Variants in CNTNAP2 observed in about 807,000 individuals in gnomAD.
CNTNAP2 encodes the protein contactin associated protein 2, also known as contactin-associated protein-like 2.
CNTNAP2 carries 98 observed loss-of-function variants against 155.2 expected under a neutral mutation model. The observed-to-expected ratio is 0.63, with a 90% CI of 0.54 to 0.75. The LOEUF is 0.75. Among genes scored for constraint, CNTNAP2 ranks in the 30% least tolerant of loss-of-function variants. The probability of loss-of-function intolerance (pLI) is 0.00; values close to 1 mark genes in which losing one functional copy is unlikely to be tolerated. For synonymous variants in CNTNAP2, 651 were observed against 631.2 expected (o/e 1.03, Z -0.47); for missense variants, 1,727 against 1,688.1 (o/e 1.02, Z -0.40).
chr7:147,166,668 G>C (rs1217874489), intron 8 of CNTNAP2, among the ~76,000 whole-genome samples: 3 of 152,066 alleles, frequency 2.0e-5, no homozygotes, highest in African/African-American at 7.3e-5. Context: ...TTAGTGAAGG[G>C]AGATAGGGGT....
At chr7:147,588,913 A>G (rs1800686223) in intron 12 of CNTNAP2, among the ~76,000 whole-genome samples, 1 of 152,224 alleles carries the variant, frequency 6.6e-6, no homozygotes, top group African/African-American at 2.4e-5. Context: ...AAAAGAATGC[A>G]GCAACTAGCA....
intron 13 of CNTNAP2, among the ~76,000 whole-genome samples, chr7:147,687,629 T>C (rs1312021762): frequency 6.6e-6 from 1 of 152,092 alleles, no homozygotes; most frequent in African/African-American, 2.4e-5. Flanking sequence ...TATTTGACCA[T>C]GGGTAGGAGG....
At chr7:146,736,742 C>A (rs572207503) in intron 1 of CNTNAP2, among the ~76,000 whole-genome samples, 5 of 152,172 alleles carry the variant, frequency 3.3e-5, no homozygotes, top group African/African-American at 1.2e-4. Context: ...GAAAAATAAT[C>A]AAATGCTTCA....
chr7:148,296,233 C>T (rs1410081742), intron 21 of CNTNAP2, among the ~76,000 whole-genome samples: 1 of 152,002 alleles, frequency 6.6e-6, no homozygotes, highest in Non-Finnish European at 1.5e-5. Flanking sequence ...CCCAAAATAG[C>T]CACTGCAGTT....
chr7:148,338,852 G>A (rs35769526), intron 21 of CNTNAP2, among the ~76,000 whole-genome samples: 16,063 of 152,172 alleles, frequency 0.11, 1,043 homozygotes, highest in South Asian at 0.25. Context: ...GGAAGAGAAA[G>A]GGGAGGTGGA....
rs1208546426 is a variant in CNTNAP2 at position 147,775,351 on chromosome 7, A to T, written c.2099-128214A>T. On this transcript the variant is annotated intron_variant, in intron 13 of 23. Transcript: ENST00000361727. ...TATATATTTATAAATATATATATTT[A>T]TATATATTTATAAATATATATATAT... 5.2e-3 allele frequency among the ~76,000 whole-genome samples: 222 copies of T among 42,776 alleles called. 5 individuals carry two copies. The highest frequency in any genetic ancestry group is 7.0e-3 in the Non-Finnish European group (189 of 26,824). The allele number at this position is 42,776 out of a possible 152,430, so 28.1% of individuals were successfully genotyped here.
At chr7:147,903,417 G>A (rs1478768962) in intron 13 of CNTNAP2, 148 bp from the exon 14 acceptor site, 6 of 831,962 alleles carry the variant, frequency 7.2e-6, no homozygotes, top group Admixed American at 2.0e-5. Flanking sequence ...CCCACTCTGT[G>A]GGTTGTCTGT....
Position 147,160,314 on chromosome 7 carries a change from C to T in CNTNAP2, c.1348+27805C>T, listed in dbSNP as rs189120984. 1.8e-3 allele frequency among the ~76,000 whole-genome samples: 274 copies of T among 152,040 alleles called. 2 individuals are homozygous for T. The highest frequency in any genetic ancestry group is 6.2e-3 in the African/African-American group (258 of 41,484). On this transcript the variant is annotated intron_variant, in intron 8 of 23. Coordinates refer to ENST00000361727, the MANE Select transcript of CNTNAP2 (RefSeq NM_014141.6). The stretch of plus-strand genomic sequence containing the variant: ...TCATTTATGTTCATATTCTCAGGAA[C>T]CAAATTTGTTTATCAAATTATGGAA...
intron 1 of CNTNAP2, among the ~76,000 whole-genome samples, chr7:146,770,537 A>G (rs1802276368): frequency 6.6e-6 from 1 of 152,038 alleles, no homozygotes; most frequent in East Asian, 1.9e-4. Flanking sequence ...CATTCTGATA[A>G]TAATTTTGCA....
chr7:147,879,938 G>T (rs1799491067), intron 13 of CNTNAP2, among the ~76,000 whole-genome samples: 1 of 152,176 alleles, frequency 6.6e-6, no homozygotes, highest in South Asian at 2.1e-4. Flanking sequence ...GGTGGGTAAT[G>T]ACAGTCAGTG....
intron 13 of CNTNAP2, among the ~76,000 whole-genome samples, chr7:147,753,511 A>G (rs1797170313): frequency 6.6e-6 from 1 of 152,242 alleles, no homozygotes. Context: ...AATTATGTAA[A>G]TGTACTATAA....
chr7:147,063,319 A>G (rs190565732), intron 4 of CNTNAP2, among the ~76,000 whole-genome samples: 259 of 152,282 alleles, frequency 1.7e-3, no homozygotes, highest in African/African-American at 5.8e-3. Flanking sequence ...TGAAAGAATG[A>G]ATCCCTCTTT....
intron 1 of CNTNAP2, among the ~76,000 whole-genome samples, chr7:146,506,507 C>G (rs779442694): frequency 1.3e-5 from 2 of 152,328 alleles, no homozygotes; most frequent in South Asian, 4.1e-4. Flanking sequence ...AACCACCGGA[C>G]CTGGCCAAGG....
chr7:146,160,663 A>C lies in CNTNAP2; in HGVS notation c.97+43690A>C, dbSNP rs180892577. On this transcript the variant is annotated intron_variant, in intron 1 of 23. Transcript: ENST00000361727. ...CAAGACTTAACCAAGAAGAAGTTGAATCCCTGAATAGACCAATAACAGGTT... is the reference window on the plus strand; with the variant it reads ...CAAGACTTAACCAAGAAGAAGTTGACTCCCTGAATAGACCAATAACAGGTT... 3.6e-3 allele frequency among the ~76,000 whole-genome samples: 545 copies of C among 152,334 alleles called. 4 individuals carry two copies. The highest frequency in any genetic ancestry group is 5.8e-3 in the Non-Finnish European group (396 of 68,042).
At chr7:148,166,370 T>G (rs1021893523) in intron 17 of CNTNAP2, among the ~76,000 whole-genome samples, 1 of 152,078 alleles carries the variant, frequency 6.6e-6, no homozygotes, top group African/African-American at 2.4e-5. Flanking sequence ...AAATTAGATT[T>G]TATGTGTGTG....
intron 10 of CNTNAP2, among the ~76,000 whole-genome samples, chr7:147,404,784 A>G (rs1796977459): frequency 1.3e-5 from 2 of 152,166 alleles, no homozygotes; most frequent in East Asian, 1.9e-4. Context: ...CATCAGCTCA[A>G]TGACCTAAAA....
At chr7:147,071,445 A>T (rs1799890284) in intron 4 of CNTNAP2, among the ~76,000 whole-genome samples, 1 of 152,050 alleles carries the variant, frequency 6.6e-6, no homozygotes, top group Non-Finnish European at 1.5e-5. Context: ...CATTTATATT[A>T]GGCTTTAATT....
intron 17 of CNTNAP2, among the ~76,000 whole-genome samples, chr7:148,159,470 C>G (rs1342389602): frequency 1.3e-5 from 2 of 152,140 alleles, no homozygotes; most frequent in Admixed American, 1.3e-4. Context: ...TTGTTAAGAT[C>G]TATTTGAGTA....
chr7:147,511,153 G>A (rs527975143), intron 11 of CNTNAP2, among the ~76,000 whole-genome samples: 24 of 152,028 alleles, frequency 1.6e-4, no homozygotes, highest in African/African-American at 5.8e-4. Flanking sequence ...AAGCTATTGT[G>A]TCGGTGCATA....
Sources: gnomAD v4.1 joint callset for allele counts (sites outside exome capture counted in the v4.1 genomes callset) on GRCh38, gnomAD v4.1.1 for gene constraint, MANE v1.5 for transcripts, NCBI Gene and HGNC (gene_info 2026-07-23, HGNC 2026-07-21) for gene names.